The following NHLRC4 variants were observed in gnomAD, a reference collection of about 807,000 sequenced individuals.
NHLRC4 encodes NHL-repeat-containing protein 4.
For missense variants in NHLRC4, 158 were observed against 155.4 expected (o/e 1.02, Z -0.09); for synonymous variants, 73 against 69.0 (o/e 1.06, Z -0.29).
chr16:568,344 C>G lies in NHLRC4; in HGVS notation c.297C>G (p.Pro99=), dbSNP rs762905367. ...LGQPLGVACA[P]QGQLLVADAK... is the part of the protein sequence containing the mutation. ...AGCCCTTGGGAGTGGCCTGTGCACC[C>G]CAGGGCCAGCTCCTGGTGGCTGATG... is the stretch of plus-strand genomic sequence containing the variant. The change falls in exon 2 of 2, where the codon CCC becomes CCG. Residue 99 remains proline (P), a synonymous_variant. Transcript: ENST00000424439. The G allele has an allele frequency of 6.2e-7, 1 of 1,611,432 alleles. No homozygotes were observed. The highest frequency in any genetic ancestry group is 8.5e-7 in the Non-Finnish European group (1 of 1,179,408).
rs1665838122 is a variant in NHLRC4 at position 569,401 on chromosome 16, T to TC, written c.*988dup. 1 of 166,526 alleles carries TC rather than the reference T, an allele frequency of 6.0e-6. No individual in the cohort carries two copies. Among genetic ancestry groups the TC allele is most frequent in the African/African-American group, 2.4e-5 (1 of 41,330 alleles). 10.3% of individuals were successfully genotyped at this position (166,526 alleles called of 1,614,324 possible). A position where few individuals can be genotyped will look rare whatever the true frequency, so the allele number is the denominator to read the frequency against. On this transcript the variant is annotated 3_prime_UTR_variant, in exon 2 of 2. Transcript: ENST00000424439. ...TGGGGCTCCCCTGTATCACAGGACA[T>TC]CCCCCCTGAGAGGTCCCTCATATGT...
Position 568,360 on chromosome 16 carries a change from G to A in NHLRC4, c.313G>A (p.Val105Met), listed in dbSNP as rs777391630. ...VACAPQGQLLVADAKDNSIKV... is the reference protein window; with the variant it reads ...VACAPQGQLLMADAKDNSIKV... ...CTGTGCACCCCAGGGCCAGCTCCTG[G>A]TGGCTGATGCCAAGGACAACTCCAT... Residue 105 changes from valine (V) to methionine (M), a missense_variant, in exon 2 of 2, where the codon GTG becomes ATG. By Grantham distance (21) the Val-to-Met change is conservative (BLOSUM62 1). Coordinates refer to ENST00000424439, the MANE Select transcript of NHLRC4 (RefSeq NM_001301159.2). The A allele has an allele frequency of 6.2e-7, 1 of 1,611,786 alleles. No individual in the cohort carries two copies. Among genetic ancestry groups the A allele is most frequent in the Non-Finnish European group, 8.5e-7 (1 of 1,179,572 alleles).
rs2035558097 is a variant in NHLRC4 at position 567,941 on chromosome 16, G to A, written c.-107G>A. Reference sequence around the variant, plus strand: ...GTGGGCACCTTCCTGTCTCCCCGAGGGCTGGCTGTGGATGCCCTCAACCGC... The same window carrying A: ...GTGGGCACCTTCCTGTCTCCCCGAGAGCTGGCTGTGGATGCCCTCAACCGC... On this transcript the variant is annotated 5_prime_UTR_variant, in exon 2 of 2. Transcript: ENST00000424439. The A allele has an allele frequency of 1.6e-6, 2 of 1,235,368 alleles. No individual in the cohort carries two copies. Among genetic ancestry groups the A allele is most frequent in the South Asian group, 3.2e-5 (2 of 62,904 alleles). 76.5% of individuals were successfully genotyped at this position (1,235,368 alleles called of 1,614,324 possible).
In NHLRC4 at chr16:568,996, G is replaced by C. The variant is rs979793015; in HGVS notation, c.*577G>C. On this transcript the variant is annotated 3_prime_UTR_variant, in exon 2 of 2. Transcript: ENST00000424439. ...TTCTCTGGGCCTGGCAGAGGTAAGG[G>C]GGAGGCAACCCTGGAGTGTCTGGAG... 5.9e-6 allele frequency: 1 copy of C among 169,574 alleles called. No homozygotes were observed. Among genetic ancestry groups the C allele is most frequent in the African/African-American group, 2.4e-5 (1 of 41,464 alleles). The allele number at this position is 169,574 out of a possible 1,614,324, so 10.5% of individuals were successfully genotyped here. A position where few individuals can be genotyped will look rare whatever the true frequency, so the allele number is the denominator to read the frequency against.
rs995700292 is a variant in NHLRC4 at position 568,646 on chromosome 16, C to A, written c.*227C>A. The A allele has an allele frequency of 3.4e-6, 2 of 583,620 alleles. No individual in the cohort carries two copies. The highest frequency in any genetic ancestry group is 6.1e-6 in the Non-Finnish European group (2 of 327,384). 36.2% of individuals were successfully genotyped at this position (583,620 alleles called of 1,614,324 possible). On this transcript the variant is annotated 3_prime_UTR_variant, in exon 2 of 2. Coordinates refer to ENST00000424439, the MANE Select transcript of NHLRC4 (RefSeq NM_001301159.2). ...AGTCTGCTTCCCAGGCTGCCCCTGC[C>A]AGGCCTGCAGCCTCCCCAGCCAGGG...
In NHLRC4 at chr16:568,192, G is replaced by A. The variant is rs756398207; in HGVS notation, c.145G>A (p.Gly49Ser). Reference sequence around the variant, plus strand: ...GGGGGGCTGGACGGGGCACACTTTCGGCTGCCCAGCGGGCATCTGCTCCAA... The same window carrying A: ...GGGGGGCTGGACGGGGCACACTTTCAGCTGCCCAGCGGGCATCTGCTCCAA... ...SLGGWTGHTF[G>S]CPAGICSNSE... is the part of the protein sequence containing the mutation. Residue 49 changes from glycine to serine, a missense_variant, in exon 2 of 2, where the codon GGC becomes AGC. Gly to Ser is a moderately conservative substitution (Grantham distance 56, BLOSUM62 0). Transcript: ENST00000424439. 41 of 1,611,386 alleles carry A rather than the reference G, an allele frequency of 2.5e-5. No homozygotes were observed. The highest frequency in any genetic ancestry group is 3.3e-5 in the Admixed American group (2 of 59,804).
rs1306031381 is a variant in NHLRC4, at chr16:567,891, G to A, written c.-157G>A. On this transcript the variant is annotated 5_prime_UTR_variant, in exon 2 of 2. Transcript: ENST00000424439. ...TCCATGCACTCCAGCACACAGCCCG[G>A]GACCCCGGGGGCCACTGGGTGACAG... 7.9e-6 allele frequency: 6 copies of A among 762,076 alleles called. No homozygotes were observed. The highest frequency in any genetic ancestry group is 5.3e-5 in the African/African-American group (3 of 56,700). 47.2% of individuals were successfully genotyped at this position (762,076 alleles called of 1,614,324 possible). A position where few individuals can be genotyped will look rare whatever the true frequency, so the allele number is the denominator to read the frequency against.
rs942753246 is a variant in NHLRC4 at position 567,610 on chromosome 16, C to T, written c.-438C>T. 1.3e-4 allele frequency: 22 copies of T among 171,556 alleles called. No individual in the cohort carries two copies. The highest frequency in any genetic ancestry group is 1.9e-4 in the Non-Finnish European group (15 of 78,410). 10.6% of individuals were successfully genotyped at this position (171,556 alleles called of 1,614,324 possible). On this transcript the variant is annotated 5_prime_UTR_variant, in exon 2 of 2. Transcript: ENST00000424439. ...CCCACCTGGAGACTCCACGGGCTCC[C>T]GGCAGCTCCGGCTGCTTGGGTGGAT... is the stretch of plus-strand genomic sequence containing the variant.
rs937260324 is a variant in NHLRC4 at position 567,104 on chromosome 16, C to T, written c.-578+29C>T. ...AGAGACCCCTCCCCCCGGCCTCTCT[C>T]GGTGGGGCAGGTGGAGGCCCTCGGA... On this transcript the variant is annotated intron_variant, in intron 1 of 1. Transcript: ENST00000424439. 6 of 154,488 alleles carry T rather than the reference C, an allele frequency of 3.9e-5. No individual in the cohort carries two copies. In the Middle Eastern group the frequency reaches 2.1e-3, roughly 53 times the overall value. 9.6% of individuals were successfully genotyped at this position (154,488 alleles called of 1,614,324 possible).
chr16:567,877 C>G lies in NHLRC4; in HGVS notation c.-171C>G, dbSNP rs1245313321. On this transcript the variant is annotated 5_prime_UTR_variant, in exon 2 of 2. Coordinates refer to ENST00000424439, the MANE Select transcript of NHLRC4 (RefSeq NM_001301159.2). ...CATCCATGGGGCTGTCCATGCACTCCAGCACACAGCCCGGGACCCCGGGGG... is the reference window on the plus strand; with the variant it reads ...CATCCATGGGGCTGTCCATGCACTCGAGCACACAGCCCGGGACCCCGGGGG... The G allele has an allele frequency of 5.9e-6, 4 of 673,154 alleles. No homozygotes were observed. The highest frequency in any genetic ancestry group is 9.8e-6 in the Non-Finnish European group (4 of 408,306). The allele number at this position is 673,154 out of a possible 1,614,324, so 41.7% of individuals were successfully genotyped here.
At position 568,055 on chromosome 16, in the gene NHLRC4, G is replaced by GTC. The variant is rs2035560575; in HGVS notation, c.10_11dup (p.Glu5TrpfsTer17). 2 of 1,528,552 alleles carry GTC rather than the reference G, an allele frequency of 1.3e-6. No homozygotes were observed. The highest frequency in any genetic ancestry group is 8.8e-7 in the Non-Finnish European group (1 of 1,141,340). The allele number at this position is 1,528,552 out of a possible 1,614,324, so 94.7% of individuals were successfully genotyped here. A position where few individuals can be genotyped will look rare whatever the true frequency, so the allele number is the denominator to read the frequency against. ...CCCCTGGCCCCAGCCTCCATGCTGG[G>GTC]TCTGGAGGGCCCCTGCTGGGTGGGC... On this transcript the variant is annotated frameshift_variant, in exon 2 of 2. Transcript: ENST00000424439. LOFTEE classifies it low-confidence loss of function (END_TRUNC).
chr16:567,720 A>T lies in NHLRC4; in HGVS notation c.-328A>T. 1 of 290,846 alleles carries T rather than the reference A, an allele frequency of 3.4e-6. No individual in the cohort carries two copies. The highest frequency in any genetic ancestry group is 6.5e-6 in the Non-Finnish European group (1 of 153,176). The allele number at this position is 290,846 out of a possible 1,614,324, so 18.0% of individuals were successfully genotyped here. A position where few individuals can be genotyped will look rare whatever the true frequency, so the allele number is the denominator to read the frequency against. On this transcript the variant is annotated 5_prime_UTR_variant, in exon 2 of 2. Transcript: ENST00000424439. ...TGCTCTTCCTCACGGCCGGGGCTGC[A>T]CCCTGTGTCCACGTGCTAGATCTGG...
chr16:568,173 C>T lies in NHLRC4; in HGVS notation c.126C>T (p.Gly42=), dbSNP rs376861561. 251 of 1,611,050 alleles carry T rather than the reference C, an allele frequency of 1.6e-4. No individual in the cohort carries two copies. Among genetic ancestry groups the T allele is most frequent in the Non-Finnish European group, 1.9e-4 (226 of 1,179,184 alleles). ...SARQPLGSLG[G]WTGHTFGCPA... is the part of the protein sequence containing the mutation. ...GCCAACCCCTGGGCTCCCTGGGGGG[C>T]TGGACGGGGCACACTTTCGGCTGCC... The change falls in exon 2 of 2, where the codon GGC becomes GGT. Residue 42 remains glycine, a synonymous_variant. Coordinates refer to ENST00000424439, the MANE Select transcript of NHLRC4 (RefSeq NM_001301159.2).
In NHLRC4 at chr16:568,476, G is replaced by C; in HGVS notation, c.*57G>C. The stretch of plus-strand genomic sequence containing the variant: ...CCTGAGGCCAGCTCCCAGGCCCTTG[G>C]ATCACCGCGGGAGGAACCCTCAGGA... On this transcript the variant is annotated 3_prime_UTR_variant, in exon 2 of 2. Transcript: ENST00000424439. 3 of 1,543,010 alleles carry C rather than the reference G, an allele frequency of 1.9e-6. No individual in the cohort carries two copies. The highest frequency in any genetic ancestry group is 2.6e-6 in the Non-Finnish European group (3 of 1,144,444).
Position 567,828 on chromosome 16 carries a change from A to G in NHLRC4, c.-220A>G, listed in dbSNP as rs1334644095. 1.1e-5 allele frequency: 6 copies of G among 529,362 alleles called. No individual in the cohort carries two copies. Among genetic ancestry groups the G allele is most frequent in the Non-Finnish European group, 2.0e-5 (6 of 303,960 alleles). 32.8% of individuals were successfully genotyped at this position (529,362 alleles called of 1,614,324 possible). On this transcript the variant is annotated 5_prime_UTR_variant, in exon 2 of 2. Transcript: ENST00000424439. ...CAGAGGACGTGGCTGTGACAGCGTCAGGGCTTGTGGTGGTCAGCGATCCCA... is the reference window on the plus strand; with the variant it reads ...CAGAGGACGTGGCTGTGACAGCGTCGGGGCTTGTGGTGGTCAGCGATCCCA...
In NHLRC4 at chr16:568,168, G is replaced by T. The variant is rs1481443112; in HGVS notation, c.121G>T (p.Gly41Trp). 2 of 1,611,092 alleles carry T rather than the reference G, an allele frequency of 1.2e-6. No individual in the cohort carries two copies. Among genetic ancestry groups the T allele is most frequent in the African/African-American group, 1.3e-5 (1 of 74,890 alleles). ...TGCCCGCCAACCCCTGGGCTCCCTG[G>T]GGGGCTGGACGGGGCACACTTTCGG... Reference protein sequence around the residue: ...GSARQPLGSLGGWTGHTFGCP... With the variant: ...GSARQPLGSLWGWTGHTFGCP... Residue 41 changes from glycine to tryptophan, a missense_variant, in exon 2 of 2, where the codon GGG (glycine) becomes TGG (tryptophan). Transcript: ENST00000424439.
In NHLRC4 at chr16:568,122, G is replaced by A. The variant is rs2035561889; in HGVS notation, c.75G>A (p.Gly25=). The change falls in exon 2 of 2, where the codon GGG becomes GGA. Residue 25 remains glycine (G), a synonymous_variant. Coordinates refer to ENST00000424439, the MANE Select transcript of NHLRC4 (RefSeq NM_001301159.2). ...DGGLAVSEEF[G]DVRLFGSARQ... is the part of the protein sequence containing the mutation. ...GCCTTGCTGTGAGTGAGGAGTTTGG[G>A]GATGTGAGGCTGTTTGGCAGTGCCC... 3 of 1,597,760 alleles carry A rather than the reference G, an allele frequency of 1.9e-6. No homozygotes were observed. The East Asian group carries it at 6.7e-5, about 36-fold the overall frequency.
chr16:568,267 C>G lies in NHLRC4; in HGVS notation c.220C>G (p.Leu74Val). Residue 74 changes from leucine to valine, a missense_variant, in exon 2 of 2, where the codon CTG becomes GTG. Leu to Val is a conservative substitution (Grantham distance 32). Transcript: ENST00000424439. The stretch of plus-strand genomic sequence containing the variant: ...AGACGAGCAGAGGCGCCAGGTGACC[C>G]TGTTTCCCCGGGCTGGGCCACCCAT... ...VADEQRRQVT[L>V]FPRAGPPICL... 1 of 1,612,320 alleles carries G rather than the reference C, an allele frequency of 6.2e-7. No homozygotes were observed.
At position 568,065 on chromosome 16, in the gene NHLRC4, C is replaced by T; in HGVS notation, c.18C>T (p.Gly6=). 1 of 1,537,082 alleles carries T rather than the reference C, an allele frequency of 6.5e-7. No individual in the cohort carries two copies. Residue 6 remains glycine, a synonymous_variant, in exon 2 of 2, where the codon GGC becomes GGT. Transcript: ENST00000424439. MLGLE[G]PCWVGPGPDG... Reference sequence around the variant, plus strand: ...CAGCCTCCATGCTGGGTCTGGAGGGCCCCTGCTGGGTGGGCCCAGGGCCTG... The same window carrying T: ...CAGCCTCCATGCTGGGTCTGGAGGGTCCCTGCTGGGTGGGCCCAGGGCCTG...
Sources: allele counts gnomAD v4.1 joint callset, GRCh38; gene constraint gnomAD v4.1.1; transcripts MANE v1.5; gene names NCBI Gene and HGNC (gene_info 2026-07-23, HGNC 2026-07-21).